MYO18A: variants seen among roughly 807,000 people sequenced by gnomAD.
MYO18A encodes the protein myosin XVIIIA.
In MYO18A, 78 loss-of-function variants were observed where a neutral mutation model predicts 235.8. The observed-to-expected ratio is 0.33, with a 90% CI of 0.28 to 0.40. The LOEUF (loss-of-function observed/expected upper bound fraction) is 0.40, where lower values mean the gene tolerates loss of function less well. Ranked by LOEUF, MYO18A falls within the 10% of genes least tolerant of loss-of-function variation. The pLI, the probability that MYO18A is intolerant of heterozygous loss-of-function variation, is 1.00. For synonymous variants in MYO18A, 977 were observed against 1,077.8 expected (o/e 0.91, Z 1.83); for missense variants, 2,215 against 2,699.3 (o/e 0.82, Z 3.98).
At chr17:29,129,152 GCCCCAAGA>G in intron 2 of MYO18A, 2 of 1,273,708 alleles carry the variant, frequency 1.6e-6, no homozygotes, top group Non-Finnish European at 1.0e-6. Context: ...GCTCTTCCTG[GCCCCAAGA>G]CATGCCAGGC....
rs548956388 is a variant in MYO18A at position 29,080,315 on chromosome 17, C to T, written c.6020+2001G>A. ...TAGGAGTGACGGCTGACGGAGCGGA[C>T]GCTGGAGCTGGGAGGCTCATCCACT... On this transcript the variant is annotated intron_variant, in intron 41 of 41. Transcript: ENST00000527372. 5.0e-4 allele frequency: 496 copies of T among 986,046 alleles called. 1 individual carries two copies. The African/African-American group carries it at 8.1e-3, about 16-fold the overall frequency. The allele number at this position is 986,046 out of a possible 1,614,324, so 61.1% of individuals were successfully genotyped here.
At chr17:29,175,792 G>C (rs2068511341) in intron 1 of MYO18A, among the ~76,000 whole-genome samples, 1 of 152,082 alleles carries the variant, frequency 6.6e-6, no homozygotes, top group African/African-American at 2.4e-5. Flanking sequence ...AGGCGCAGTG[G>C]CTCACACCTG....
In MYO18A at chr17:29,071,720, G is replaced by A. The variant is rs1885260009; in HGVS notation, c.*3050C>T. 1 of 152,142 alleles carries A rather than the reference G, an allele frequency of 6.6e-6. No individual in the cohort carries two copies. Among genetic ancestry groups the A allele is most frequent in the South Asian group, 2.1e-4 (1 of 4,826 alleles). The allele number at this position is 152,142 out of a possible 1,614,324, so 9.4% of individuals were successfully genotyped here. A position where few individuals can be genotyped will look rare whatever the true frequency, so the allele number is the denominator to read the frequency against. ...AAAGCAACCTCTTCATCCTTGTTAG[G>A]TCTTATGTAATTATTTCCACATGGG... On this transcript the variant is annotated 3_prime_UTR_variant, in exon 42 of 42. Transcript: ENST00000527372.
At position 29,137,788 on chromosome 17, in the gene MYO18A, AACCC is replaced by A. The variant is rs1447289135; in HGVS notation, c.1000-15539_1000-15536del. Among the ~76,000 whole-genome samples, 5 of 152,314 alleles carry A rather than the reference AACCC, an allele frequency of 3.3e-5. No homozygotes were observed. In the East Asian group the frequency reaches 9.6e-4, roughly 29 times the overall value. ...AAATGACATCAATCAAAAAAACTGGAACCCAAATAGTATACAAACAGTGATCATA... is the reference window on the plus strand; with the variant it reads ...AAATGACATCAATCAAAAAAACTGGAAAATAGTATACAAACAGTGATCATA... On this transcript the variant is annotated intron_variant, in intron 2 of 41. Coordinates refer to ENST00000527372, the MANE Select transcript of MYO18A (RefSeq NM_078471.4).
At chr17:29,138,887 A>T (rs1207909945) in intron 2 of MYO18A, among the ~76,000 whole-genome samples, 2 of 152,192 alleles carry the variant, frequency 1.3e-5, no homozygotes, top group African/African-American at 2.4e-5. Context: ...CTGCCAGAAG[A>T]GCAGCTTGGG....
At chr17:29,103,900 A>G (rs1309151410) in intron 20 of MYO18A, among the ~76,000 whole-genome samples, 1 of 152,268 alleles carries the variant, frequency 6.6e-6, no homozygotes, top group Non-Finnish European at 1.5e-5. Context: ...CAGTGCCCAC[A>G]GGAGGTCGCA....
Position 29,117,288 on chromosome 17 carries a change from A to C in MYO18A, c.2038+757T>G, listed in dbSNP as rs1273735277. On this transcript the variant is annotated intron_variant, in intron 10 of 41. Coordinates refer to ENST00000527372, the MANE Select transcript of MYO18A (RefSeq NM_078471.4). The surrounding 1 kb of genome is among the most constrained non-coding windows in gnomAD (Gnocchi z 4.6). ...CCCCGAGCGCAAGTGCCAAAGCTGC[A>C]GCCCATTCGTTACCACGGTGCCTGC... Among the ~76,000 whole-genome samples, 1 of 152,214 alleles carries C rather than the reference A, an allele frequency of 6.6e-6. No homozygotes were observed. The highest frequency in any genetic ancestry group is 2.4e-5 in the African/African-American group (1 of 41,454).
intron 2 of MYO18A, among the ~76,000 whole-genome samples, chr17:29,135,265 T>C (rs2067569980): frequency 6.6e-6 from 1 of 152,040 alleles, no homozygotes; most frequent in Admixed American, 6.6e-5. Context: ...CATGCCCAGC[T>C]AATTTTTTGT....
At chr17:29,150,944 T>G (rs1418811690) in intron 2 of MYO18A, among the ~76,000 whole-genome samples, 1 of 152,168 alleles carries the variant, frequency 6.6e-6, no homozygotes, top group Non-Finnish European at 1.5e-5. Context: ...TGCTTTCAGC[T>G]CATCTGGGGA....
In MYO18A at chr17:29,115,834, C is replaced by T. The variant is rs763731156; in HGVS notation, c.2057G>A (p.Arg686His). ...CCACTCATGGCGGGCAAACTGCTTG[C>T]GCCCAGCTGTGGAGTGGAAAAAGGG... ...GATKEAAEAG[R>H]KQFARHEWAQ... Residue 686 changes from arginine to histidine, a missense_variant, in exon 12 of 42, where the codon CGC becomes CAC. Transcript: ENST00000527372. 10 of 1,576,854 alleles carry T rather than the reference C, an allele frequency of 6.3e-6. No homozygotes were observed. The highest frequency in any genetic ancestry group is 3.7e-5 in the Admixed American group (2 of 54,210).
intron 39 of MYO18A, among the ~76,000 whole-genome samples, chr17:29,086,167 C>T (rs182639502): frequency 2.6e-4 from 40 of 152,304 alleles, no homozygotes; most frequent in Admixed American, 2.0e-4. Flanking sequence ...TGCAGCTAAA[C>T]GGGAGAATAA....
Position 29,121,359 on chromosome 17 carries a change from A to T in MYO18A, c.1372-148T>A. 1 of 1,103,274 alleles carries T rather than the reference A, an allele frequency of 9.1e-7. No individual in the cohort carries two copies. Among genetic ancestry groups the T allele is most frequent in the Non-Finnish European group, 1.3e-6 (1 of 772,034 alleles). The allele number at this position is 1,103,274 out of a possible 1,614,324, so 68.3% of individuals were successfully genotyped here. ...GCCAAGGCCATGCATGGAAATGAAGACACTAAGTCCTGGACTCCATCAAAG... is the reference window on the plus strand; with the variant it reads ...GCCAAGGCCATGCATGGAAATGAAGTCACTAAGTCCTGGACTCCATCAAAG... On this transcript the variant is annotated intron_variant, in intron 5 of 41. Transcript: ENST00000527372. This position sits in a 1 kb window ranked among gnomAD's most constrained non-coding sequence, Gnocchi z 4.2.
In MYO18A at chr17:29,117,090, G is replaced by A. The variant is rs2067090602; in HGVS notation, c.2039-635C>T. The stretch of plus-strand genomic sequence containing the variant: ...CTTTCTCACTCCAGCTGAGCAGCCT[G>A]GGGCCCTTCACATCCCAGAAGGGGC... On this transcript the variant is annotated intron_variant, in intron 10 of 41. Transcript: ENST00000527372. The surrounding 1 kb of genome is among the most constrained non-coding windows in gnomAD (Gnocchi z 4.6). Among the ~76,000 whole-genome samples, 1 of 152,090 alleles carries A rather than the reference G, an allele frequency of 6.6e-6. No homozygotes were observed. Among genetic ancestry groups the A allele is most frequent in the Admixed American group, 6.5e-5 (1 of 15,280 alleles).
intron 1 of MYO18A, among the ~76,000 whole-genome samples, chr17:29,178,909 C>T (rs1465628403): frequency 6.6e-6 from 1 of 152,212 alleles, no homozygotes; most frequent in Non-Finnish European, 1.5e-5. Flanking sequence ...CCCTCCCTTC[C>T]AGCACACCCC....
At position 29,114,896 on chromosome 17, in the gene MYO18A, C is replaced by G. The variant is rs376486826; in HGVS notation, c.2511+11G>C. 2 of 1,608,502 alleles carry G rather than the reference C, an allele frequency of 1.2e-6. No individual in the cohort carries two copies. Among genetic ancestry groups the G allele is most frequent in the Non-Finnish European group, 1.7e-6 (2 of 1,176,602 alleles). ...ATCTGAGGCTAGATGAGGCCCAGGC[C>G]CCAGAGCTACCTCCTTGTATCTTTC... On this transcript the variant is annotated intron_variant, in intron 14 of 41. Coordinates refer to ENST00000527372, the MANE Select transcript of MYO18A (RefSeq NM_078471.4).
intron 2 of MYO18A, among the ~76,000 whole-genome samples, chr17:29,149,733 C>T (rs2067929128): frequency 6.6e-6 from 1 of 152,220 alleles, no homozygotes; most frequent in Non-Finnish European, 1.5e-5. Flanking sequence ...CCTCATGGCC[C>T]CCGGGGACTT....
At chr17:29,154,246 G>A (rs896959810) in intron 2 of MYO18A, among the ~76,000 whole-genome samples, 4 of 152,144 alleles carry the variant, frequency 2.6e-5, no homozygotes, top group Admixed American at 6.5e-5. Context: ...AGGCAAGAGT[G>A]ATCAGGCAGC....
Position 29,114,018 on chromosome 17 carries a change from T to G in MYO18A, c.2591A>C (p.Gln864Pro), listed in dbSNP as rs774422272. 3 of 1,596,974 alleles carry G rather than the reference T, an allele frequency of 1.9e-6. No individual in the cohort carries two copies. The East Asian group carries it at 6.8e-5, about 36-fold the overall frequency. The change falls in exon 15 of 42, where the codon CAG becomes CCG. Residue 864 changes from glutamine (Q) to proline (P), a missense_variant. Coordinates refer to ENST00000527372, the MANE Select transcript of MYO18A (RefSeq NM_078471.4). ...CCTCTCTGGAGCTCCTACCAGGGAC[T>G]GATGGGAGGCCTGGTCCACAGCAGC... is the stretch of plus-strand genomic sequence containing the variant. ...SVAAVDQASH[Q>P]SLVRSLARTD... is the part of the protein sequence containing the mutation.
intron 2 of MYO18A, among the ~76,000 whole-genome samples, chr17:29,149,963 T>C (rs1329533974): frequency 6.6e-6 from 1 of 152,206 alleles, no homozygotes; most frequent in Non-Finnish European, 1.5e-5. Flanking sequence ...CTCTTTTTCA[T>C]ATAAATGACA....
Sources: gnomAD v4.1 joint callset for allele counts (sites outside exome capture counted in the v4.1 genomes callset) on GRCh38, gnomAD v4.1.1 for gene constraint, Gnocchi (gnomAD v3.1) non-coding constraint, MANE v1.5 for transcripts, NCBI Gene and HGNC (gene_info 2026-07-23, HGNC 2026-07-21) for gene names.